The following ITPKB variants were observed in gnomAD, a reference collection of about 807,000 sequenced individuals.
ITPKB encodes the protein IP3 3-kinase B.
ITPKB carries 13 observed loss-of-function variants against 69.4 expected under a neutral mutation model. That is an observed-to-expected ratio of 0.19 (90% CI 0.12 to 0.30). The LOEUF is 0.30. Ranked by LOEUF, ITPKB falls within the 10% of genes least tolerant of loss-of-function variation. The pLI is 1.00. For synonymous variants in ITPKB, 584 were observed against 513.7 expected, an observed-to-expected ratio of 1.14 and a Z score of -1.85; for missense variants, 1,240 against 1,250.5, an observed-to-expected ratio of 0.99 and a Z score of 0.13.
intron 2 of ITPKB, among the ~76,000 whole-genome samples, chr1:226,732,938 C>T (rs1446899487): frequency 6.6e-6 from 1 of 152,208 alleles, no homozygotes; most frequent in Non-Finnish European, 1.5e-5. Context: ...GTCATACACA[C>T]TCATTCCTCA....
rs199775154 is a variant in ITPKB, at chr1:226,649,310, T to C, written c.1933-539A>G. On this transcript the variant is annotated intron_variant, in intron 2 of 7. Coordinates refer to ENST00000429204, the MANE Select transcript of ITPKB (RefSeq NM_002221.4). ...GTGTGCGTGTGTGTGCATGTGTGTG[T>C]GCATATGTGTGCATGAGTGTGTGCG... Among the ~76,000 whole-genome samples the C allele has an allele frequency of 8.6e-3, 1,262 of 146,912 alleles. 40 individuals carry two copies. In the East Asian group the frequency reaches 0.11, roughly 12 times the overall value.
At chr1:226,700,342 G>A (rs1046031255) in intron 2 of ITPKB, among the ~76,000 whole-genome samples, 2 of 151,860 alleles carry the variant, frequency 1.3e-5, no homozygotes, top group African/African-American at 4.8e-5. Flanking sequence ...GGTGGCATAC[G>A]CTTGTAGTCC....
rs145518886 is a variant in ITPKB at position 226,696,341 on chromosome 1, A to G, written c.1932+39186T>C. On this transcript the variant is annotated intron_variant, in intron 2 of 7. Coordinates refer to ENST00000429204, the MANE Select transcript of ITPKB (RefSeq NM_002221.4). ...TACGTGTGTGTGTGTGTGTGTGTGT[A>G]TATGTATCTCTCTCTCAACACAGAT... 8.6e-3 allele frequency among the ~76,000 whole-genome samples: 1,275 copies of G among 148,972 alleles called. 16 individuals are homozygous for G. The highest frequency in any genetic ancestry group is 0.017 in the East Asian group (86 of 5,148).
rs377171056 is a variant in ITPKB at position 226,692,423 on chromosome 1, A to G, written c.1932+43104T>C. On this transcript the variant is annotated intron_variant, in intron 2 of 7. Coordinates refer to ENST00000429204, the MANE Select transcript of ITPKB (RefSeq NM_002221.4). ...AATGGCGGGAAGACATTTCATAAAC[A>G]CAAGTTCAAAAGCCCCTTTAAATAG... Among the ~76,000 whole-genome samples the G allele has an allele frequency of 1.4e-3, 208 of 152,362 alleles. 1 individual carries two copies. Among genetic ancestry groups the G allele is most frequent in the African/African-American group, 4.7e-3 (197 of 41,580 alleles).
rs765292630 is a variant in ITPKB, at chr1:226,737,250, C to T, written c.209G>A (p.Arg70Gln). 6.4e-6 allele frequency: 10 copies of T among 1,552,624 alleles called. No individual in the cohort carries two copies. Among genetic ancestry groups the T allele is most frequent in the African/African-American group, 4.1e-5 (3 of 73,406 alleles). The change falls in exon 2 of 8, where the codon CGG (arginine) becomes CAG (glutamine). Residue 70 changes from arginine (R) to glutamine (Q), a missense_variant. Coordinates refer to ENST00000429204, the MANE Select transcript of ITPKB (RefSeq NM_002221.4). ...GCCGCTCCGCCAGCCCCCGGGGCTC[C>T]GGGGCTCCTCGGGGGACAGCGACTC... Reference protein sequence around the residue: ...PAESLSPEEPRSPGGWRSGRR... With the variant: ...PAESLSPEEPQSPGGWRSGRR...
intron 2 of ITPKB, among the ~76,000 whole-genome samples, chr1:226,724,298 TC>T (rs1657340799): frequency 6.6e-6 from 1 of 152,062 alleles, no homozygotes; most frequent in South Asian, 2.1e-4. Context: ...AGCACACACT[TC>T]CTACAAACCT....
intron 2 of ITPKB, among the ~76,000 whole-genome samples, chr1:226,702,971 G>A (rs540106522): frequency 1.8e-4 from 27 of 152,256 alleles, no homozygotes; most frequent in African/African-American, 6.5e-4. Context: ...ATCTGAGCTG[G>A]TGTAACTGCA....
chr1:226,680,477 G>A (rs1197727623), intron 2 of ITPKB, among the ~76,000 whole-genome samples: 1 of 152,198 alleles, frequency 6.6e-6, no homozygotes, highest in Non-Finnish European at 1.5e-5. Context: ...TGTTAGGTAG[G>A]GTCCTTTTCC....
chr1:226,721,084 C>T (rs900508563), intron 2 of ITPKB, among the ~76,000 whole-genome samples: 2 of 151,566 alleles, frequency 1.3e-5, no homozygotes, highest in Non-Finnish European at 2.9e-5. Context: ...TGGTTCACGC[C>T]TATAATCCCA....
At chr1:226,673,189 T>C (rs958233452) in intron 2 of ITPKB, among the ~76,000 whole-genome samples, 5 of 151,240 alleles carry the variant, frequency 3.3e-5, no homozygotes, top group African/African-American at 9.7e-5. Context: ...CTGGGCAACA[T>C]GGTGAGACCC....
chr1:226,652,938 G>A (rs748649309), intron 2 of ITPKB, among the ~76,000 whole-genome samples: 33 of 152,136 alleles, frequency 2.2e-4, no homozygotes, highest in Non-Finnish European at 4.6e-4. Flanking sequence ...TCCTAAGCTG[G>A]CTGAGTAGTA....
At chr1:226,733,941 G>A (rs1449876297) in intron 2 of ITPKB, among the ~76,000 whole-genome samples, 1 of 152,210 alleles carries the variant, frequency 6.6e-6, no homozygotes, top group Non-Finnish European at 1.5e-5. Context: ...AAGGGTGAAT[G>A]GACAGTCAGG....
At chr1:226,655,478 G>A (rs1453674705) in intron 2 of ITPKB, among the ~76,000 whole-genome samples, 1 of 152,226 alleles carries the variant, frequency 6.6e-6, no homozygotes, top group Non-Finnish European at 1.5e-5. Flanking sequence ...GCAGGGGAGG[G>A]CTCAAGGCCA....
intron 2 of ITPKB, among the ~76,000 whole-genome samples, chr1:226,685,560 T>C (rs1656187491): frequency 6.6e-6 from 1 of 152,096 alleles, no homozygotes; most frequent in Non-Finnish European, 1.5e-5. Flanking sequence ...TCCAGGGCAG[T>C]AGCTGTTCTT....
chr1:226,667,421 G>C (rs181414791), intron 2 of ITPKB, among the ~76,000 whole-genome samples: 1 of 152,188 alleles, frequency 6.6e-6, no homozygotes, highest in Non-Finnish European at 1.5e-5. Context: ...GCTTAAGGGC[G>C]GGGTTTCTGA....
intron 2 of ITPKB, among the ~76,000 whole-genome samples, chr1:226,660,525 C>A (rs892758848): frequency 6.6e-6 from 1 of 152,226 alleles, no homozygotes; most frequent in African/African-American, 2.4e-5. Context: ...TAACTTGGCT[C>A]TTCCCTCCTC....
intron 2 of ITPKB, among the ~76,000 whole-genome samples, chr1:226,702,148 C>G (rs1488159115): frequency 6.6e-6 from 1 of 152,120 alleles, no homozygotes; most frequent in Admixed American, 6.5e-5. Context: ...GGAATCCCAG[C>G]ACTTTGGGAG....
chr1:226,716,303 C>T (rs1052566022), intron 2 of ITPKB, among the ~76,000 whole-genome samples: 10 of 152,150 alleles, frequency 6.6e-5, no homozygotes, highest in Admixed American at 6.5e-5. Context: ...AATTGCTCTA[C>T]CCAGAGAATT....
rs189034874 is a variant in ITPKB at position 226,658,964 on chromosome 1, A to G, written c.1933-10193T>C. ...TGAGCGCTCTGTCCCCTCCACACCC[A>G]ATCAGGCTGCGAGGGCTGCCGGGTC... On this transcript the variant is annotated intron_variant, in intron 2 of 7. Coordinates refer to ENST00000429204, the MANE Select transcript of ITPKB (RefSeq NM_002221.4). Among the ~76,000 whole-genome samples the G allele has an allele frequency of 2.7e-3, 410 of 152,200 alleles. 3 individuals carry two copies. Among genetic ancestry groups the G allele is most frequent in the African/African-American group, 9.5e-3 (395 of 41,542 alleles).
Sources: allele counts gnomAD v4.1 joint callset (sites outside exome capture counted in the v4.1 genomes callset), GRCh38; gene constraint gnomAD v4.1.1; transcripts MANE v1.5; gene names NCBI Gene and HGNC (gene_info 2026-07-23, HGNC 2026-07-21).